WDR76: variants seen among roughly 807,000 people sequenced by gnomAD.
WDR76 encodes WD repeat domain 76.
A neutral mutation model predicts 70.2 loss-of-function variants in WDR76; 52 were observed. The observed-to-expected ratio is 0.74, with a 90% CI of 0.59 to 0.93. WDR76 has a LOEUF of 0.93. Ranked by LOEUF, WDR76 falls within the 40% of genes least tolerant of loss-of-function variation. WDR76 has a pLI of 0.00. For synonymous variants in WDR76, 292 were observed against 271.1 expected, an observed-to-expected ratio of 1.08 and a Z score of -0.76; for missense variants, 756 against 760.2, an observed-to-expected ratio of 0.99 and a Z score of 0.07.
At chr15:43,857,487 C>G in intron 10 of WDR76, 9 of 985,314 alleles carry the variant, frequency 9.1e-6, no homozygotes, top group Non-Finnish European at 9.6e-6. Flanking sequence ...ACTTGTTGGC[C>G]TGTGTTAACT....
At position 43,835,164 on chromosome 15, in the gene WDR76, C is replaced by G. The variant is rs1567182982; in HGVS notation, c.552+14C>G. 3 of 1,613,266 alleles carry G rather than the reference C, an allele frequency of 1.9e-6. No individual in the cohort carries two copies. The highest frequency in any genetic ancestry group is 1.3e-5 in the African/African-American group (1 of 74,976). On this transcript the variant is annotated intron_variant, in intron 3 of 12. Coordinates refer to ENST00000263795, the MANE Select transcript of WDR76 (RefSeq NM_024908.4). The stretch of plus-strand genomic sequence containing the variant: ...CAGTTGTCTGAGGTTTGTGTGGAGT[C>G]TATTTAAAAGCAAGATGCAGGGCCG...
intron 7 of WDR76, 71 bp downstream of exon 7, chr15:43,842,742 T>A: frequency 7.2e-7 from 1 of 1,394,672 alleles, no homozygotes; most frequent in South Asian, 1.3e-5. Flanking sequence ...ATACGCCATT[T>A]TAGGGAATTT....
chr15:43,838,514 T>C (rs1050344394), intron 4 of WDR76, among the ~76,000 whole-genome samples: 1 of 152,206 alleles, frequency 6.6e-6, no homozygotes, highest in African/African-American at 2.4e-5. Context: ...TACCAGTGAG[T>C]GTATCCTTAA....
Position 43,836,170 on chromosome 15 carries a change from A to G in WDR76, c.562A>G (p.Arg188Gly). 1 of 1,608,570 alleles carries G rather than the reference A, an allele frequency of 6.2e-7. No homozygotes were observed. The highest frequency in any genetic ancestry group is 8.5e-7 in the Non-Finnish European group (1 of 1,177,720). Residue 188 changes from arginine (R) to glycine (G), a missense_variant, in exon 4 of 13, where the codon AGA becomes GGA. Transcript: ENST00000263795. ...TTTTTATACTTTACAGTCTGCTGCA[A>G]GACTCCGTGAAATGATAGAGAAGAG... is the stretch of plus-strand genomic sequence containing the variant. ...ASLQLSESAA[R>G]LREMIEKRQP...
intron 2 of WDR76, among the ~76,000 whole-genome samples, chr15:43,828,595 TTACTC>T (rs1567180654): frequency 6.6e-6 from 1 of 152,242 alleles, no homozygotes; most frequent in African/African-American, 2.4e-5. Context: ...GACTTAATCT[TTACTC>T]TGCTTCCTTT....
chr15:43,849,823 C>T (rs975348417), intron 8 of WDR76, among the ~76,000 whole-genome samples: 5 of 152,232 alleles, frequency 3.3e-5, no homozygotes, highest in Admixed American at 6.5e-5. Context: ...GGTGAGCCAC[C>T]GCGCCTGGCC....
At chr15:43,852,315 C>T (rs1315638226) in intron 9 of WDR76, among the ~76,000 whole-genome samples, 4 of 152,020 alleles carry the variant, frequency 2.6e-5, no homozygotes, top group African/African-American at 7.3e-5. Flanking sequence ...TCCTGAGTAG[C>T]AGGGATTACA....
Position 43,827,011 on chromosome 15 carries a change from C to T in WDR76, c.-22C>T, listed in dbSNP as rs372810958. The T allele has an allele frequency of 6.8e-6, 11 of 1,612,490 alleles. No individual in the cohort carries two copies. The African/African-American group carries it at 1.1e-4, about 16-fold the overall frequency. On this transcript the variant is annotated 5_prime_UTR_variant, in exon 1 of 13. Transcript: ENST00000263795. The stretch of plus-strand genomic sequence containing the variant: ...CCGCCGCAATCTTGGCGGGAAGGCG[C>T]CGGCCGCTAAGAAGCCGAAAGATGT...
In WDR76 at chr15:43,866,397, T is replaced by TATGAATGAAAAAAGCTGC; in HGVS notation, c.*5_*6insATGAATGAAAAAAGCTGC. 1 of 1,613,438 alleles carries TATGAATGAAAAAAGCTGC rather than the reference T, an allele frequency of 6.2e-7. No individual in the cohort carries two copies. Among genetic ancestry groups the TATGAATGAAAAAAGCTGC allele is most frequent in the African/African-American group, 1.3e-5 (1 of 74,998 alleles). On this transcript the variant is annotated 3_prime_UTR_variant, in exon 13 of 13. Transcript: ENST00000263795. ...ATGAATGAAAAAAGCTGCTGAGTTT[T>TATGAATGAAAAAAGCTGC]TGGTTTAGGAACATCAATTTGTTCA... is the stretch of plus-strand genomic sequence containing the variant.
chr15:43,850,017 TAAAG>T (rs2087836796), intron 8 of WDR76, among the ~76,000 whole-genome samples: 1 of 152,072 alleles, frequency 6.6e-6, no homozygotes, highest in Admixed American at 6.5e-5. Flanking sequence ...TTTTTTCTTT[TAAAG>T]AATACTTCTC....
chr15:43,836,526 C>T (rs187366175), intron 4 of WDR76, among the ~76,000 whole-genome samples: 298 of 152,212 alleles, frequency 2.0e-3, no homozygotes, highest in Admixed American at 4.8e-3. Context: ...CTTCTACTTA[C>T]TTTTAATTTT....
Position 43,832,743 on chromosome 15 carries a change from GTTTTTTTTTTTTTTT to G in WDR76, c.463-2305_463-2291del, listed in dbSNP as rs201304087. ...TGAGCCATTGCACCCGGCTTGCTTT[GTTTTTTTTTTTTTTT>G]TTTTTTTTTTTTGAGACAGTCTCGG... On this transcript the variant is annotated intron_variant, in intron 2 of 12. Transcript: ENST00000263795. 2.8e-4 allele frequency among the ~76,000 whole-genome samples: 19 copies of G among 68,114 alleles called. No individual in the cohort carries two copies. The East Asian group carries it at 7.8e-3, about 28-fold the overall frequency. 44.7% of individuals were successfully genotyped at this position (68,114 alleles called of 152,430 possible).
chr15:43,858,678 C>A lies in WDR76; in HGVS notation c.1417C>A (p.His473Asn), dbSNP rs771247520. The part of the protein sequence containing the change: ...YFITAGLRDT[H>N]IYDARRLNSR... ...TTGTTTCTCCCATTACAGGGATACTCATATTTATGATGCAAGGCGATTGAA... is the reference window on the plus strand; with the variant it reads ...TTGTTTCTCCCATTACAGGGATACTAATATTTATGATGCAAGGCGATTGAA... Residue 473 changes from histidine (H) to asparagine (N), a missense_variant, in exon 11 of 13, where the codon CAT becomes AAT. Physicochemically the swap from His to Asn is moderately conservative, Grantham distance 68. Transcript: ENST00000263795. 6.2e-7 allele frequency: 1 copy of A among 1,613,790 alleles called. No individual in the cohort carries two copies. Among genetic ancestry groups the A allele is most frequent in the South Asian group, 1.1e-5 (1 of 91,000 alleles).
At chr15:43,860,085 T>C (rs536118803) in intron 11 of WDR76, among the ~76,000 whole-genome samples, 20 of 152,166 alleles carry the variant, frequency 1.3e-4, no homozygotes, top group African/African-American at 4.3e-4. Context: ...ACCCTGTCTC[T>C]ACAGAAAAAA....
intron 8 of WDR76, among the ~76,000 whole-genome samples, chr15:43,845,210 A>G (rs1238811133): frequency 6.7e-6 from 1 of 149,544 alleles, no homozygotes; most frequent in Non-Finnish European, 1.5e-5. Flanking sequence ...TGGCCTCCCA[A>G]AGTGCTGGGA....
intron 2 of WDR76, among the ~76,000 whole-genome samples, chr15:43,833,005 G>A (rs915119145): frequency 1.3e-5 from 2 of 151,752 alleles, no homozygotes; most frequent in Admixed American, 6.6e-5. Flanking sequence ...TCTGCCTGGT[G>A]GCCTCCCAAA....
In WDR76 at chr15:43,866,310, C is replaced by T. The variant is rs746676142; in HGVS notation, c.1799C>T (p.Ala600Val). Reference sequence around the variant, plus strand: ...CTTGTCTCTGTGTGTTCCATCAATGCCATGCACCCAACTCGGTATATTTTG... The same window carrying T: ...CTTGTCTCTGTGTGTTCCATCAATGTCATGCACCCAACTCGGTATATTTTG... ...EYLVSVCSIN[A>V]MHPTRYILAG... The change falls in exon 13 of 13, where the codon GCC becomes GTC. Residue 600 changes from alanine (A) to valine (V), a missense_variant. Physicochemically the swap from Ala to Val is moderately conservative, Grantham distance 64 (BLOSUM62 0). Coordinates refer to ENST00000263795, the MANE Select transcript of WDR76 (RefSeq NM_024908.4). The T allele has an allele frequency of 2.5e-6, 4 of 1,613,942 alleles. No homozygotes were observed. In the Admixed American group the frequency reaches 6.7e-5, roughly 27 times the overall value.
intron 12 of WDR76, among the ~76,000 whole-genome samples, chr15:43,863,737 T>A (rs1158780536): frequency 6.6e-6 from 1 of 152,148 alleles, no homozygotes; most frequent in East Asian, 1.9e-4. Flanking sequence ...TTAAAAAAAT[T>A]ATTTGTAGAG....
rs764550922 is a variant in WDR76 at position 43,836,225 on chromosome 15, T to C, written c.608+9T>C. The stretch of plus-strand genomic sequence containing the variant: ...CCTCCTAAATCCAAAAGGTAAAATA[T>C]CTAGTTTGCAATGCCTGAACCATGA... On this transcript the variant is annotated intron_variant, in intron 4 of 12. Transcript: ENST00000263795. 48 of 1,608,404 alleles carry C rather than the reference T, an allele frequency of 3.0e-5. No individual in the cohort carries two copies. The highest frequency in any genetic ancestry group is 3.8e-5 in the Non-Finnish European group (45 of 1,177,640).
Sources: gnomAD v4.1 joint callset for allele counts (sites outside exome capture counted in the v4.1 genomes callset) on GRCh38, gnomAD v4.1.1 for gene constraint, MANE v1.5 for transcripts, NCBI Gene and HGNC (gene_info 2026-07-23, HGNC 2026-07-21) for gene names.